The following ARHGAP22 variants were observed in gnomAD, a reference collection of about 807,000 sequenced individuals.
ARHGAP22 encodes the protein rho GTPase-activating protein 22.
Under a neutral mutation model 59.1 loss-of-function variants are expected in ARHGAP22, and 48 were observed. That is an observed-to-expected ratio of 0.81 (90% CI 0.64 to 1.03). ARHGAP22 has a LOEUF of 1.03. ARHGAP22 is among the 50% of genes least tolerant of loss of function. The pLI, the probability that ARHGAP22 is intolerant of heterozygous loss-of-function variation, is 0.00. For synonymous variants in ARHGAP22, 445 were observed against 416.4 expected (o/e 1.07, Z -0.84); for missense variants, 1,015 against 958.7 (o/e 1.06, Z -0.78).
intron 3 of ARHGAP22, among the ~76,000 whole-genome samples, chr10:48,517,171 T>C (rs1370764187): frequency 6.6e-6 from 1 of 152,190 alleles, no homozygotes; most frequent in Non-Finnish European, 1.5e-5. Flanking sequence ...TTGGTGATAG[T>C]TGCATAACTC....
chr10:48,650,846 C>T (rs2062530045), intron 1 of ARHGAP22, among the ~76,000 whole-genome samples: 1 of 152,156 alleles, frequency 6.6e-6, no homozygotes, highest in Non-Finnish European at 1.5e-5. Context: ...TCAGCTGCTC[C>T]CCCACCCCCT....
intron 3 of ARHGAP22, among the ~76,000 whole-genome samples, chr10:48,520,233 G>A (rs2053679925): frequency 6.6e-6 from 1 of 152,222 alleles, no homozygotes; most frequent in African/African-American, 2.4e-5. Context: ...TTGTTTAGAG[G>A]CAATCACAGT....
chr10:48,579,729 C>T (rs1279138676), intron 2 of ARHGAP22, among the ~76,000 whole-genome samples: 1 of 152,190 alleles, frequency 6.6e-6, no homozygotes, highest in Non-Finnish European at 1.5e-5. Context: ...TATCCTTCTT[C>T]CGGACAGTTA....
the ARHGAP22 span, among the ~76,000 whole-genome samples, chr10:48,434,584 A>C: frequency 6.6e-6 from 1 of 152,226 alleles, no homozygotes; most frequent in African/African-American, 2.4e-5. Flanking sequence ...CCATTCATGG[A>C]TCTTGCTGCA....
chr10:48,644,804 G>A (rs190995400), intron 1 of ARHGAP22, among the ~76,000 whole-genome samples: 21 of 152,092 alleles, frequency 1.4e-4, no homozygotes, highest in Admixed American at 6.5e-4. Flanking sequence ...CTTTAAATGC[G>A]TATATCAGAA....
intron 2 of ARHGAP22, among the ~76,000 whole-genome samples, chr10:48,575,960 C>T (rs2058686500): frequency 6.6e-6 from 1 of 152,330 alleles, no homozygotes; most frequent in South Asian, 2.1e-4. Flanking sequence ...TGCAGGATGA[C>T]TCTCCTCTTG....
chr10:48,649,814 G>A (rs939531024), intron 1 of ARHGAP22, among the ~76,000 whole-genome samples: 3 of 152,190 alleles, frequency 2.0e-5, no homozygotes, highest in Non-Finnish European at 4.4e-5. Flanking sequence ...CCTGCTGGAG[G>A]GAAAGTGCTG....
At chr10:48,525,672 T>G (rs1226276300) in intron 3 of ARHGAP22, among the ~76,000 whole-genome samples, 1 of 152,228 alleles carries the variant, frequency 6.6e-6, no homozygotes, top group East Asian at 1.9e-4. Flanking sequence ...TGTTTGAGAT[T>G]TACGGATTCA....
chr10:48,593,342 C>G (rs1182461104), intron 1 of ARHGAP22, among the ~76,000 whole-genome samples: 1 of 152,198 alleles, frequency 6.6e-6, no homozygotes, highest in Non-Finnish European at 1.5e-5. Flanking sequence ...GTAGTCTCCC[C>G]TTATTCAAGC....
In ARHGAP22 at chr10:48,558,498, T is replaced by C. The variant is rs367751007; in HGVS notation, c.235-2948A>G. ...CCACCTCGACCTCTATTTGGGACCA[T>C]AGGTGTATGCCACCATGCCTAGCTA... On this transcript the variant is annotated intron_variant, in intron 2 of 9. Transcript: ENST00000249601. 2.1e-3 allele frequency among the ~76,000 whole-genome samples: 315 copies of C among 152,116 alleles called. 3 individuals carry two copies. Among genetic ancestry groups the C allele is most frequent in the African/African-American group, 7.4e-3 (307 of 41,480 alleles).
intron 4 of ARHGAP22, among the ~76,000 whole-genome samples, chr10:48,465,218 A>C (rs1472241839): frequency 6.6e-6 from 1 of 152,208 alleles, no homozygotes; most frequent in Non-Finnish European, 1.5e-5. Context: ...GTCCCAGCCC[A>C]TGCTCTTTAC....
At chr10:48,577,800 GGTTTTTTT>G (rs1564919551) in intron 2 of ARHGAP22, among the ~76,000 whole-genome samples, 7 of 41,954 alleles carry the variant, frequency 1.7e-4, no homozygotes, top group African/African-American at 3.8e-4. Flanking sequence ...GCTCTTTTTT[GGTTTTTTT>G]TTTTTTTTTT....
chr10:48,588,901 G>T (rs77748423), intron 1 of ARHGAP22, among the ~76,000 whole-genome samples: 347 of 152,246 alleles, frequency 2.3e-3, no homozygotes, highest in African/African-American at 7.7e-3. Context: ...CCTCCACCCC[G>T]TGGAGGGAGG....
At chr10:48,496,011 T>C (rs2050887032) in intron 3 of ARHGAP22, among the ~76,000 whole-genome samples, 2 of 152,134 alleles carry the variant, frequency 1.3e-5, no homozygotes, top group East Asian at 3.9e-4. Flanking sequence ...AGCCTTCAGA[T>C]GAGCCCACAG....
chr10:48,531,905 G>A (rs953054140), intron 3 of ARHGAP22, among the ~76,000 whole-genome samples: 1 of 152,168 alleles, frequency 6.6e-6, no homozygotes, highest in Non-Finnish European at 1.5e-5. Context: ...AAAAAGACAA[G>A]CCCTGTGGAG....
At chr10:48,551,888 G>A (rs2056922744) in intron 3 of ARHGAP22, among the ~76,000 whole-genome samples, 1 of 152,220 alleles carries the variant, frequency 6.6e-6, no homozygotes, top group South Asian at 2.1e-4. Flanking sequence ...AGATGTCTGT[G>A]TTGGAGGGCA....
intron 3 of ARHGAP22, chr10:48,511,643 A>C (rs760106270): frequency 6.6e-6 from 1 of 152,274 alleles, no homozygotes; most frequent in African/African-American, 2.4e-5. Context: ...AGGACTCATC[A>C]TAACAAAGTG....
chr10:48,628,946 G>A (rs1480630304), intron 1 of ARHGAP22, among the ~76,000 whole-genome samples: 2 of 152,184 alleles, frequency 1.3e-5, no homozygotes, highest in Non-Finnish European at 2.9e-5. Context: ...GAAGAACACA[G>A]TGCACAACCC....
At chr10:48,521,818 T>A (rs1356325409) in intron 3 of ARHGAP22, among the ~76,000 whole-genome samples, 1 of 152,150 alleles carries the variant, frequency 6.6e-6, no homozygotes, top group East Asian at 1.9e-4. Context: ...GAAAAGAAGG[T>A]TCCCTAGGGA....
Sources: gnomAD v4.1 joint callset for allele counts (sites outside exome capture counted in the v4.1 genomes callset) on GRCh38, gnomAD v4.1.1 for gene constraint, MANE v1.5 for transcripts, NCBI Gene and HGNC (gene_info 2026-07-23, HGNC 2026-07-21) for gene names.